The following TIMD4 variants were observed in gnomAD, a reference collection of about 807,000 sequenced individuals.
The protein encoded by TIMD4 is T-cell immunoglobulin and mucin domain-containing protein 4.
In TIMD4, 31 loss-of-function variants were observed where a neutral mutation model predicts 41.2. That is an observed-to-expected ratio of 0.75 (90% CI 0.57 to 1.01). The LOEUF (loss-of-function observed/expected upper bound fraction) is 1.01. Ranked by LOEUF, TIMD4 falls within the 50% of genes least tolerant of loss-of-function variation. The probability of loss-of-function intolerance (pLI) is 0.00; values close to 1 mark genes in which losing one functional copy is unlikely to be tolerated. For missense variants in TIMD4, 479 were observed against 472.5 expected, an observed-to-expected ratio of 1.01 and a Z score of -0.13; for synonymous variants, 204 against 177.1, an observed-to-expected ratio of 1.15 and a Z score of -1.21.
At chr5:156,940,620 T>C (rs1485158611) in intron 5 of TIMD4, among the ~76,000 whole-genome samples, 1 of 137,318 alleles carries the variant, frequency 7.3e-6, no homozygotes, top group Non-Finnish European at 1.5e-5. Context: ...GTCTGGGAGG[T>C]GAGGAGCATC....
intron 5 of TIMD4, among the ~76,000 whole-genome samples, chr5:156,932,490 A>C (rs1759460158): frequency 6.6e-6 from 1 of 152,206 alleles, no homozygotes; most frequent in African/African-American, 2.4e-5. Flanking sequence ...AGTCCAAAGA[A>C]TTTTTAACAG....
At chr5:156,924,190 AC>A in intron 6 of TIMD4, 1 of 450,206 alleles carries the variant, frequency 2.2e-6, no homozygotes, top group Non-Finnish European at 4.4e-6. Context: ...TCTATGCAGC[AC>A]CAAAAAAGGA....
At chr5:156,945,446 A>T (rs1228406455) in intron 5 of TIMD4, among the ~76,000 whole-genome samples, 1 of 152,206 alleles carries the variant, frequency 6.6e-6, no homozygotes, top group East Asian at 1.9e-4. Flanking sequence ...TACCTATAAA[A>T]TGAGGATAAT....
intron 5 of TIMD4, among the ~76,000 whole-genome samples, chr5:156,932,719 T>C (rs1456222648): frequency 6.6e-6 from 1 of 152,058 alleles, no homozygotes; most frequent in Non-Finnish European, 1.5e-5. Flanking sequence ...AAGAAAACGG[T>C]TTAAGGGCTG....
At chr5:156,943,974 C>T (rs1048647749) in intron 5 of TIMD4, among the ~76,000 whole-genome samples, 2 of 151,128 alleles carry the variant, frequency 1.3e-5, no homozygotes, top group South Asian at 4.2e-4. Context: ...GCAGGAAAAT[C>T]GCTTGAACCC....
At chr5:156,926,086 T>C (rs950120674) in intron 6 of TIMD4, among the ~76,000 whole-genome samples, 177 bp downstream of exon 6, 1 of 152,134 alleles carries the variant, frequency 6.6e-6, no homozygotes, top group South Asian at 2.1e-4. Context: ...GCATTTTTGA[T>C]AGAGATGGGG....
At chr5:156,959,906 GGT>G (rs979073364) in intron 1 of TIMD4, among the ~76,000 whole-genome samples, 1 of 151,984 alleles carries the variant, frequency 6.6e-6, no homozygotes, top group African/African-American at 2.4e-5. Flanking sequence ...AGCCAGCTGT[GGT>G]GGCGGGCGCC....
chr5:156,950,416 T>C (rs946127811), intron 3 of TIMD4, among the ~76,000 whole-genome samples: 2 of 152,234 alleles, frequency 1.3e-5, no homozygotes, highest in Non-Finnish European at 2.9e-5. Context: ...AAAAAATACA[T>C]ACAAGAATTG....
chr5:156,923,908 G>A (rs537758197), intron 6 of TIMD4, among the ~76,000 whole-genome samples: 18 of 151,826 alleles, frequency 1.2e-4, no homozygotes, highest in Non-Finnish European at 2.6e-4. Context: ...CACAAACAAG[G>A]CTCACTGCAG....
In TIMD4 at chr5:156,927,308, AG is replaced by A. The variant is rs1290093259; in HGVS notation, c.845-997del. Reference sequence around the variant, plus strand: ...AGTTAAGGTCGTGTAAGAATTAGCCAGGCAAGGAATGGTGGCAACGGTGTTT... The same window carrying A: ...AGTTAAGGTCGTGTAAGAATTAGCCAGCAAGGAATGGTGGCAACGGTGTTT... On this transcript the variant is annotated intron_variant, in intron 5 of 8. Transcript: ENST00000274532. 2.0e-5 allele frequency among the ~76,000 whole-genome samples: 3 copies of A among 152,238 alleles called. No homozygotes were observed. The East Asian group carries it at 5.8e-4, about 29-fold the overall frequency.
chr5:156,961,679 C>T (rs1292573586), intron 1 of TIMD4, among the ~76,000 whole-genome samples: 6 of 151,528 alleles, frequency 4.0e-5, no homozygotes, highest in African/African-American at 1.4e-4. Flanking sequence ...GGCAGGCGCC[C>T]ATAGTCCCAG....
Position 156,919,474 on chromosome 5 carries a change from C to A in TIMD4, c.1120G>T (p.Gly374Cys), listed in dbSNP as rs144173652. 1.9e-6 allele frequency: 3 copies of A among 1,613,838 alleles called. No homozygotes were observed. Among genetic ancestry groups the A allele is most frequent in the Non-Finnish European group, 2.5e-6 (3 of 1,179,916 alleles). The stretch of plus-strand genomic sequence containing the variant: ...CTGCGTTGTTAGAGGGTAAAAAGGC[C>A]GTCTTCGTCTTCCCTTCCATGCTGC... ...DVQHGREDED[G>C]LFTL The change falls in exon 9 of 9, where the codon GGC becomes TGC. Residue 374 changes from glycine (G) to cysteine (C), a missense_variant. By Grantham distance (159) the Gly-to-Cys change is radical. Coordinates refer to ENST00000274532, the MANE Select transcript of TIMD4 (RefSeq NM_138379.3).
intron 5 of TIMD4, among the ~76,000 whole-genome samples, chr5:156,933,557 GTTTT>G (rs1759482729): frequency 6.7e-6 from 1 of 148,602 alleles, no homozygotes. Context: ...GTTTTGTTTT[GTTTT>G]GTTTTGTTTT....
chr5:156,933,447 T>C (rs1759479560), intron 5 of TIMD4, among the ~76,000 whole-genome samples: 1 of 150,144 alleles, frequency 6.7e-6, no homozygotes, highest in South Asian at 2.1e-4. Flanking sequence ...GAGTGAGATC[T>C]CGCCCCCCAA....
At chr5:156,949,140 C>T (rs776276224) in intron 4 of TIMD4, among the ~76,000 whole-genome samples, 2 of 152,206 alleles carry the variant, frequency 1.3e-5, no homozygotes, top group African/African-American at 2.4e-5. Flanking sequence ...GGGTATACCC[C>T]GTCCCAGGCC....
chr5:156,948,623 T>C (rs1759790968), intron 4 of TIMD4, 124 bp from the exon 5 acceptor site: 1 of 445,804 alleles, frequency 2.2e-6, no homozygotes. Flanking sequence ...AAACAAAGTA[T>C]GTGCCAGACA....
intron 3 of TIMD4, among the ~76,000 whole-genome samples, chr5:156,951,268 A>G (rs553019169): frequency 5.1e-4 from 78 of 152,200 alleles, no homozygotes; most frequent in Non-Finnish European, 9.8e-4. Context: ...AGGAGAGAGG[A>G]CTTAGAAGAA....
At chr5:156,926,092 T>C (rs567663803) in intron 6 of TIMD4, among the ~76,000 whole-genome samples, 171 bp downstream of exon 6, 2 of 152,258 alleles carry the variant, frequency 1.3e-5, no homozygotes, top group African/African-American at 2.4e-5. Context: ...TTGATAGAGA[T>C]GGGGTTTTGC....
chr5:156,949,244 T>A (rs1581628300), intron 4 of TIMD4, among the ~76,000 whole-genome samples: 2 of 152,106 alleles, frequency 1.3e-5, no homozygotes, highest in East Asian at 3.8e-4. Flanking sequence ...ACCCAATGCA[T>A]TGAATTAGTA....
Sources: allele counts gnomAD v4.1 joint callset (sites outside exome capture counted in the v4.1 genomes callset), GRCh38; gene constraint gnomAD v4.1.1; transcripts MANE v1.5; gene names NCBI Gene and HGNC (gene_info 2026-07-23, HGNC 2026-07-21).